DCP1A: variants seen among roughly 807,000 people sequenced by gnomAD.
The protein encoded by DCP1A is mRNA-decapping enzyme 1A.
A neutral mutation model predicts 58.0 loss-of-function variants in DCP1A; 20 were observed. That is an observed-to-expected ratio of 0.34 (90% CI 0.24 to 0.50). The LOEUF is 0.50. Among genes scored for constraint, DCP1A ranks in the 20% least tolerant of loss-of-function variants. The pLI is 0.98. For missense variants in DCP1A, 613 were observed against 712.2 expected (o/e 0.86, Z 1.59); for synonymous variants, 285 against 275.1 (o/e 1.04, Z -0.36).
chr3:53,346,033 C>A (rs1553693103), intron 1 of DCP1A, among the ~76,000 whole-genome samples: 1 of 152,088 alleles, frequency 6.6e-6, no homozygotes, highest in African/African-American at 2.4e-5. Context: ...ATATTTAAAA[C>A]AGAACTCCAC....
intron 7 of DCP1A, among the ~76,000 whole-genome samples, chr3:53,291,173 C>G (rs2106791750): frequency 8.9e-6 from 1 of 112,908 alleles, no homozygotes; most frequent in Middle Eastern, 4.5e-3. Flanking sequence ...AAGCCAGAGA[C>G]AGCCCAGGAA....
chr3:53,326,902 G>A lies in DCP1A; in HGVS notation c.305-7429C>T, dbSNP rs368864679. Among the ~76,000 whole-genome samples the A allele has an allele frequency of 5.9e-5, 9 of 151,972 alleles. No homozygotes were observed. In the South Asian group the frequency reaches 1.0e-3, roughly 18 times the overall value. The stretch of plus-strand genomic sequence containing the variant: ...TTGAAAAATGGTCTTCCACAAAGCC[G>A]GTCCCTGGTGCCAAAAAGGTTGGGG... On this transcript the variant is annotated intron_variant, in intron 3 of 9. Coordinates refer to ENST00000610213, the MANE Select transcript of DCP1A (RefSeq NM_018403.7).
chr3:53,312,262 T>G lies in DCP1A; in HGVS notation c.489A>C (p.Arg163Ser). 2 of 1,610,980 alleles carry G rather than the reference T, an allele frequency of 1.2e-6. No homozygotes were observed. Among genetic ancestry groups the G allele is most frequent in the Non-Finnish European group, 1.7e-6 (2 of 1,178,558 alleles). Residue 163 changes from arginine (R) to serine (S), a missense_variant, in exon 5 of 10, where the codon AGA becomes AGC. Physicochemically the swap from Arg to Ser is moderately radical, Grantham distance 110. Coordinates refer to ENST00000610213, the MANE Select transcript of DCP1A (RefSeq NM_018403.7). ...TCACCCTCTCATACTCATCCTTGGC[T>G]CTGCTCAGCATCTCCAGGATGTCGA... Reference protein sequence around the residue: ...RPIDILEMLSRAKDEYERNQM... With the variant: ...RPIDILEMLSSAKDEYERNQM...
chr3:53,324,998 C>T (rs1342469940), intron 3 of DCP1A, among the ~76,000 whole-genome samples: 1 of 151,912 alleles, frequency 6.6e-6, no homozygotes, highest in Admixed American at 6.6e-5. Context: ...CAAATGAAGG[C>T]CCCTTTCTTT....
rs2106782329 is a variant in DCP1A, at chr3:53,287,387, C to G, written c.*193G>C. On this transcript the variant is annotated 3_prime_UTR_variant, in exon 10 of 10. Coordinates refer to ENST00000610213, the MANE Select transcript of DCP1A (RefSeq NM_018403.7). ...TTTTTTTTGTCAAAACAAGGATCTG[C>G]TGGTGATGCTTCACAGTGAAACCTC... 2.2e-5 allele frequency: 3 copies of G among 137,874 alleles called. No individual in the cohort carries two copies. The highest frequency in any genetic ancestry group is 1.4e-5 in the Non-Finnish European group (1 of 73,940). The allele number at this position is 137,874 out of a possible 1,614,324, so 8.5% of individuals were successfully genotyped here.
chr3:53,316,554 C>T (rs1378804730), intron 4 of DCP1A, among the ~76,000 whole-genome samples: 1 of 151,384 alleles, frequency 6.6e-6, no homozygotes, highest in African/African-American at 2.4e-5. Flanking sequence ...CAGGTACACA[C>T]CACTGTGCCT....
At chr3:53,345,825 TAG>T (rs372759407) in intron 1 of DCP1A, among the ~76,000 whole-genome samples, 290 of 152,244 alleles carry the variant, frequency 1.9e-3, no homozygotes, top group African/African-American at 6.7e-3. Flanking sequence ...TTTAAAATGT[TAG>T]GTTATTACTA....
Position 53,287,294 on chromosome 3 carries a change from C to CTCCT in DCP1A, c.*282_*285dup. ...TCTGACTCCTTATTCCACAGCCTTG[C>CTCCT]TCCTAGCTGATGAAAACACCCACAT... On this transcript the variant is annotated 3_prime_UTR_variant, in exon 10 of 10. Transcript: ENST00000610213. 3.3e-6 allele frequency: 1 copy of CTCCT among 305,710 alleles called. No homozygotes were observed. Among genetic ancestry groups the CTCCT allele is most frequent in the Non-Finnish European group, 6.0e-6 (1 of 167,060 alleles). The allele number at this position is 305,710 out of a possible 1,614,324, so 18.9% of individuals were successfully genotyped here.
chr3:53,290,396 C>A (rs374125210), intron 8 of DCP1A, among the ~76,000 whole-genome samples: 1 of 148,982 alleles, frequency 6.7e-6, no homozygotes, highest in African/African-American at 2.5e-5. Flanking sequence ...TCACAAATAC[C>A]GAGTAAGGGC....
At chr3:53,302,257 C>T (rs1470700969) in intron 6 of DCP1A, among the ~76,000 whole-genome samples, 1 of 152,170 alleles carries the variant, frequency 6.6e-6, no homozygotes, top group Non-Finnish European at 1.5e-5. Flanking sequence ...TGCATTATTT[C>T]TTACAACTGC....
intron 6 of DCP1A, 22 bp downstream of exon 6, chr3:53,304,155 C>A: frequency 6.4e-7 from 1 of 1,553,014 alleles, no homozygotes. Flanking sequence ...TAGGACAAAG[C>A]TAGAGCTTTA....
intron 6 of DCP1A, among the ~76,000 whole-genome samples, chr3:53,299,137 T>C (rs1400283566): frequency 2.0e-5 from 3 of 152,254 alleles, no homozygotes; most frequent in African/African-American, 7.2e-5. Context: ...ACCTAACTGG[T>C]TGAATTTGTC....
At chr3:53,321,046 C>T (rs1453879975) in intron 3 of DCP1A, among the ~76,000 whole-genome samples, 2 of 152,232 alleles carry the variant, frequency 1.3e-5, no homozygotes, top group Non-Finnish European at 2.9e-5. Context: ...GTATTGCTGG[C>T]AGGACTCTCA....
In DCP1A at chr3:53,304,268, A is replaced by G; in HGVS notation, c.533T>C (p.Ile178Thr). 6.2e-7 allele frequency: 1 copy of G among 1,613,088 alleles called. No homozygotes were observed. The highest frequency in any genetic ancestry group is 8.5e-7 in the Non-Finnish European group (1 of 1,179,538). Residue 178 changes from isoleucine (I) to threonine (T), a missense_variant, in exon 6 of 10, where the codon ATC (isoleucine) becomes ACC (threonine). Transcript: ENST00000610213. Reference protein sequence around the residue: ...YERNQMGDSNISSPGLQPSTQ... With the variant: ...YERNQMGDSNTSSPGLQPSTQ... ...GCTTGGCTGTAACCCAGGGCTGGAG[A>G]TATTTGAGTCACCCATCTGATTCTT...
chr3:53,337,695 A>G (rs1283789243), intron 3 of DCP1A, among the ~76,000 whole-genome samples: 1 of 152,240 alleles, frequency 6.6e-6, no homozygotes, highest in East Asian at 1.9e-4. Flanking sequence ...AGGAATGACT[A>G]AATAGGACGC....
At chr3:53,340,163 A>C in intron 3 of DCP1A, among the ~76,000 whole-genome samples, 1 of 152,148 alleles carries the variant, frequency 6.6e-6, no homozygotes, top group East Asian at 1.9e-4. Flanking sequence ...GGGCTCAAGC[A>C]ATCTGCTTGC....
At chr3:53,316,763 C>T (rs1263037333) in intron 4 of DCP1A, among the ~76,000 whole-genome samples, 1 of 152,040 alleles carries the variant, frequency 6.6e-6, no homozygotes, top group African/African-American at 2.4e-5. Flanking sequence ...CTTTTAATAA[C>T]ACATCTGTTT....
chr3:53,326,987 CCA>C (rs1708126832), intron 3 of DCP1A, among the ~76,000 whole-genome samples: 1 of 150,858 alleles, frequency 6.6e-6, no homozygotes, highest in Non-Finnish European at 1.5e-5. Flanking sequence ...CCCCCCCCCC[CCA>C]ACTGGTATTC....
rs117679047 is a variant in DCP1A at position 53,303,477 on chromosome 3, G to A, written c.624+700C>T. Among the ~76,000 whole-genome samples the A allele has an allele frequency of 0.013, 2,029 of 152,108 alleles. 117 individuals carry two copies. The South Asian group carries it at 0.14, about 11-fold the overall frequency. On this transcript the variant is annotated intron_variant, in intron 6 of 9. Coordinates refer to ENST00000610213, the MANE Select transcript of DCP1A (RefSeq NM_018403.7). ...AGACAGGGTTTCGTCAATTGGCCAG[G>A]CTGGTTTCAAACTCCTGGGCTCAAG...
Sources: allele counts gnomAD v4.1 joint callset (sites outside exome capture counted in the v4.1 genomes callset), GRCh38; gene constraint gnomAD v4.1.1; transcripts MANE v1.5; gene names NCBI Gene and HGNC (gene_info 2026-07-23, HGNC 2026-07-21).